TAF4B: variants seen among roughly 807,000 people sequenced by gnomAD.
The protein encoded by TAF4B is TATA-box binding protein associated factor 4b, also known as transcription initiation factor TFIID subunit 4B.
Under a neutral mutation model 86.4 loss-of-function variants are expected in TAF4B, and 38 were observed. The ratio of observed to expected loss-of-function variants is 0.44; its 90% CI spans 0.34 to 0.58. The LOEUF (loss-of-function observed/expected upper bound fraction) is 0.58. TAF4B is among the 20% of genes least tolerant of loss of function. The pLI, the probability that TAF4B is intolerant of heterozygous loss-of-function variation, is 0.02. For missense variants in TAF4B, 988 were observed against 1,027.6 expected (o/e 0.96, Z 0.53); for synonymous variants, 388 against 391.2 (o/e 0.99, Z 0.10).
rs548418242 is a variant in TAF4B at position 26,232,301 on chromosome 18, A to G, written c.343+5025A>G. Among the ~76,000 whole-genome samples, 7 of 152,146 alleles carry G rather than the reference A, an allele frequency of 4.6e-5. No individual in the cohort carries two copies. The East Asian group carries it at 1.4e-3, about 29-fold the overall frequency. Reference sequence around the variant, plus strand: ...CCGCTCTAGTTACTTCTTGCTGGATAGGGGCGAAGAAGGGGCCCTGCAGTT... The same window carrying G: ...CCGCTCTAGTTACTTCTTGCTGGATGGGGGCGAAGAAGGGGCCCTGCAGTT... On this transcript the variant is annotated intron_variant, in intron 1 of 14. Transcript: ENST00000269142.
In TAF4B at chr18:26,227,078, C is replaced by T. The variant is rs761673468; in HGVS notation, c.145C>T (p.Pro49Ser). The T allele has an allele frequency of 1.9e-6, 3 of 1,606,458 alleles. No individual in the cohort carries two copies. The highest frequency in any genetic ancestry group is 2.5e-6 in the Non-Finnish European group (3 of 1,177,848). Residue 49 changes from proline (P) to serine (S), a missense_variant, in exon 1 of 15, where the codon CCT (proline) becomes TCT (serine). Around this residue, in one of 3 missense-constraint regions of TAF4B, gnomAD observed 747 missense variants for 737.9 expected, o/e 1.01. Coordinates refer to ENST00000269142, the MANE Select transcript of TAF4B (RefSeq NM_005640.3). ...PVALGAVTKAPVSVCVEPTAS... is the reference protein window; with the variant it reads ...PVALGAVTKASVSVCVEPTAS... ...GGCCCTGGGCGCCGTGACTAAGGCTCCTGTCAGCGTCTGCGTGGAGCCCAC... is the reference window on the plus strand; with the variant it reads ...GGCCCTGGGCGCCGTGACTAAGGCTTCTGTCAGCGTCTGCGTGGAGCCCAC...
chr18:26,326,839 C>T (rs2057008717), intron 11 of TAF4B, among the ~76,000 whole-genome samples, 176 bp from the exon 12 acceptor site: 1 of 152,126 alleles, frequency 6.6e-6, no homozygotes, highest in Non-Finnish European at 1.5e-5. Flanking sequence ...AGTTTCTTTT[C>T]TGGTGGAGTG....
chr18:26,298,893 C>G (rs1039956665), intron 9 of TAF4B, among the ~76,000 whole-genome samples: 4 of 89,396 alleles, frequency 4.5e-5, no homozygotes, highest in African/African-American at 1.3e-4. Flanking sequence ...TGGAGTTTTG[C>G]TCTTGTTGCC....
chr18:26,291,209 T>A (rs2056588170), intron 7 of TAF4B, among the ~76,000 whole-genome samples: 1 of 152,150 alleles, frequency 6.6e-6, no homozygotes, highest in African/African-American at 2.4e-5. Context: ...GAGTGAAAGT[T>A]CACTATCAAT....
intron 12 of TAF4B, among the ~76,000 whole-genome samples, chr18:26,328,359 G>T (rs1331131142): frequency 6.6e-6 from 1 of 152,008 alleles, no homozygotes; most frequent in Non-Finnish European, 1.5e-5. Flanking sequence ...TGAGGCAGGG[G>T]AGCCTCTTGA....
intron 1 of TAF4B, among the ~76,000 whole-genome samples, chr18:26,227,770 G>A (rs2055601014): frequency 6.6e-6 from 1 of 152,216 alleles, no homozygotes; most frequent in Non-Finnish European, 1.5e-5. Context: ...TCCCGCCTCG[G>A]CCTCCCAAAG....
In TAF4B at chr18:26,293,513, A is replaced by G. The variant is rs755720935; in HGVS notation, c.1814A>G (p.Asn605Ser). The change falls in exon 9 of 15, where the codon AAT becomes AGT. Residue 605 changes from asparagine to serine, a missense_variant. Asn to Ser is a conservative substitution (Grantham distance 46, BLOSUM62 1). Around this residue, in one of 3 missense-constraint regions of TAF4B, gnomAD observed 747 missense variants for 737.9 expected, o/e 1.01. Transcript: ENST00000269142. ...ACTCAGAAAAATAGAATAAAAGAGA[A>G]TGTAACATCATGCTTCCGGTAAGAA... is the stretch of plus-strand genomic sequence containing the variant. Reference protein sequence around the residue: ...SPTQKNRIKENVTSCFRDEDD... With the variant: ...SPTQKNRIKESVTSCFRDEDD... 5 of 1,564,000 alleles carry G rather than the reference A, an allele frequency of 3.2e-6. No individual in the cohort carries two copies. Among genetic ancestry groups the G allele is most frequent in the Non-Finnish European group, 3.4e-6 (4 of 1,163,242 alleles).
chr18:26,366,940 A>G (rs1199334907), intron 14 of TAF4B, among the ~76,000 whole-genome samples: 1 of 152,300 alleles, frequency 6.6e-6, no homozygotes, highest in Non-Finnish European at 1.5e-5. Flanking sequence ...AGATCATACT[A>G]TTGTTTTCCT....
At chr18:26,238,061 G>A (rs1192849135) in intron 1 of TAF4B, among the ~76,000 whole-genome samples, 1 of 152,170 alleles carries the variant, frequency 6.6e-6, no homozygotes, top group African/African-American at 2.4e-5. Context: ...ACCACAAAGA[G>A]GACCAAGGAA....
chr18:26,241,473 C>G (rs2055837667), intron 1 of TAF4B, among the ~76,000 whole-genome samples: 1 of 152,108 alleles, frequency 6.6e-6, no homozygotes, highest in Non-Finnish European at 1.5e-5. Context: ...ATTCTTCTCT[C>G]TTTTCTTCTT....
At chr18:26,374,387 T>A (rs548574798) in intron 14 of TAF4B, among the ~76,000 whole-genome samples, 10 of 152,218 alleles carry the variant, frequency 6.6e-5, no homozygotes, top group Admixed American at 1.3e-4. Context: ...TTACTCTCCT[T>A]AAGTTGTAGT....
intron 5 of TAF4B, among the ~76,000 whole-genome samples, chr18:26,276,015 CAAAAAA>C (rs374826135): frequency 1.3e-5 from 1 of 75,942 alleles, no homozygotes; most frequent in Non-Finnish European, 2.7e-5. Context: ...GACTCTGTCT[CAAAAAA>C]AAAAAAAAAA....
chr18:26,265,426 C>A, intron 2 of TAF4B, 111 bp downstream of exon 2: 1 of 1,291,496 alleles, frequency 7.7e-7, no homozygotes, highest in Non-Finnish European at 1.0e-6. Context: ...TGATTCTATT[C>A]AGCTTTTTAG....
chr18:26,330,782 G>T (rs566918699), intron 12 of TAF4B, among the ~76,000 whole-genome samples: 1 of 152,182 alleles, frequency 6.6e-6, no homozygotes, highest in African/African-American at 2.4e-5. Flanking sequence ...ACATTCTCCA[G>T]TCTTGAGAAA....
At chr18:26,285,816 C>T (rs1335204142) in intron 6 of TAF4B, 66 bp from the exon 7 acceptor site, 2 of 1,538,354 alleles carry the variant, frequency 1.3e-6, no homozygotes, top group South Asian at 2.6e-5. Flanking sequence ...GTATGAAATA[C>T]CACATTTTGT....
chr18:26,377,978 T>G (rs1471757416), intron 14 of TAF4B, among the ~76,000 whole-genome samples: 4 of 152,180 alleles, frequency 2.6e-5, no homozygotes, highest in Non-Finnish European at 1.5e-5. Context: ...GCTTTGGAAA[T>G]AAAATGGCAA....
intron 11 of TAF4B, among the ~76,000 whole-genome samples, chr18:26,324,177 A>G (rs538914988): frequency 2.6e-5 from 4 of 152,204 alleles, no homozygotes; most frequent in Non-Finnish European, 4.4e-5. Context: ...TTATAGACAT[A>G]TTTTTGGCTT....
At chr18:26,228,743 C>T (rs1450850874) in intron 1 of TAF4B, among the ~76,000 whole-genome samples, 1 of 152,070 alleles carries the variant, frequency 6.6e-6, no homozygotes. Context: ...CCAGCCCAGG[C>T]AACAGAGTGA....
At chr18:26,342,448 G>C (rs1286405687) in intron 13 of TAF4B, among the ~76,000 whole-genome samples, 1 of 152,072 alleles carries the variant, frequency 6.6e-6, no homozygotes, top group Non-Finnish European at 1.5e-5. Context: ...CTCTGATTCT[G>C]CTTAATCTTT....
Sources: allele counts gnomAD v4.1 joint callset (sites outside exome capture counted in the v4.1 genomes callset), GRCh38; gene constraint gnomAD v4.1.1; regional missense constraint gnomAD v4.1.1; transcripts MANE v1.5; gene names NCBI Gene and HGNC (gene_info 2026-07-23, HGNC 2026-07-21).